Variants in ADGRL3 observed in about 807,000 individuals in gnomAD.
The protein encoded by ADGRL3 is adhesion G protein-coupled receptor L3.
ADGRL3 carries 62 observed loss-of-function variants against 153.5 expected under a neutral mutation model. The ratio of observed to expected loss-of-function variants is 0.40; its 90% confidence interval spans 0.33 to 0.50. The LOEUF is 0.50. ADGRL3 is among the 20% of genes least tolerant of loss of function. The pLI is 0.47. For missense variants in ADGRL3, 1,641 were observed against 1,859.4 expected (o/e 0.88, Z 2.16); for synonymous variants, 710 against 672.5 (o/e 1.06, Z -0.86).
intron 2 of ADGRL3, among the ~76,000 whole-genome samples, chr4:61,421,467 A>G (rs1184040788): frequency 6.6e-6 from 1 of 152,106 alleles, no homozygotes; most frequent in Non-Finnish European, 1.5e-5. Context: ...CAACAAGAAT[A>G]ATTTCTATCT....
Position 61,677,012 on chromosome 4 carries a change from C to G in ADGRL3, c.583+77C>G, listed in dbSNP as rs983432500. On this transcript the variant is annotated intron_variant, in intron 6 of 26. Coordinates refer to ENST00000683033, the MANE Select transcript of ADGRL3 (RefSeq NM_001387552.1). ...TTTTGCATGCATTGACAAATATTCT[C>G]TATGAAAACATAAATCACGTAAATT... The G allele has an allele frequency of 2.2e-5, 20 of 914,530 alleles. No homozygotes were observed. In the East Asian group the frequency reaches 2.9e-4, roughly 13 times the overall value. 56.7% of individuals were successfully genotyped at this position (914,530 alleles called of 1,614,324 possible).
chr4:61,858,581 A>T lies in ADGRL3; in HGVS notation c.1481-34075A>T, dbSNP rs371521376. 1.1e-4 allele frequency among the ~76,000 whole-genome samples: 16 copies of T among 152,370 alleles called. 1 individual carries two copies. The highest frequency in any genetic ancestry group is 3.8e-4 in the African/African-American group (16 of 41,584). The stretch of plus-strand genomic sequence containing the variant: ...GGTTTCAGTGAGCTGAGATTGTGCC[A>T]CTGCACTCCATCCTGGGACACAGAT... On this transcript the variant is annotated intron_variant, in intron 9 of 26. Coordinates refer to ENST00000683033, the MANE Select transcript of ADGRL3 (RefSeq NM_001387552.1).
intron 1 of ADGRL3, among the ~76,000 whole-genome samples, chr4:61,219,579 C>T (rs1744430229): frequency 6.6e-6 from 1 of 152,150 alleles, no homozygotes; most frequent in African/African-American, 2.4e-5. Flanking sequence ...GTACATTTTT[C>T]TTAGAACAGT....
intron 1 of ADGRL3, among the ~76,000 whole-genome samples, chr4:61,277,950 G>C (rs2149920862): frequency 6.6e-6 from 1 of 152,282 alleles, no homozygotes; most frequent in East Asian, 1.9e-4. Context: ...AATCCCATGA[G>C]GGAAGCCAGC....
At chr4:61,631,200 A>C (rs2093144991) in intron 5 of ADGRL3, among the ~76,000 whole-genome samples, 1 of 152,164 alleles carries the variant, frequency 6.6e-6, no homozygotes, top group South Asian at 2.1e-4. Flanking sequence ...ACATCTCCGT[A>C]ATCCTGACTT....
chr4:61,409,328 T>C (rs1033340849), intron 2 of ADGRL3, among the ~76,000 whole-genome samples: 1 of 129,010 alleles, frequency 7.8e-6, no homozygotes, highest in Non-Finnish European at 1.6e-5. Context: ...ATTAGACATA[T>C]ATATTAGACA....
intron 5 of ADGRL3, among the ~76,000 whole-genome samples, chr4:61,624,297 T>C (rs2092703154): frequency 6.6e-6 from 1 of 152,146 alleles, no homozygotes; most frequent in African/African-American, 2.4e-5. Context: ...AAACAGCTTT[T>C]ATAGGTTATT....
rs374065144 is a variant in ADGRL3 at position 61,600,818 on chromosome 4, C to T, written c.473+13378C>T. 1.8e-4 allele frequency among the ~76,000 whole-genome samples: 27 copies of T among 152,242 alleles called. 1 individual carries two copies. Among genetic ancestry groups the T allele is most frequent in the African/African-American group, 6.3e-4 (26 of 41,552 alleles). On this transcript the variant is annotated intron_variant, in intron 5 of 26. Coordinates refer to ENST00000683033, the MANE Select transcript of ADGRL3 (RefSeq NM_001387552.1). ...TTTCTTTATTATGCCTTTAGCAATA[C>T]ATTAGCTTCACGTTCTAAAAAAAAC...
chr4:61,373,154 G>A (rs2096560311), intron 1 of ADGRL3, among the ~76,000 whole-genome samples: 1 of 152,142 alleles, frequency 6.6e-6, no homozygotes, highest in South Asian at 2.1e-4. Flanking sequence ...GATGAACCCG[G>A]TACCTCAGAT....
At chr4:61,747,491 T>A (rs1467466825) in intron 8 of ADGRL3, among the ~76,000 whole-genome samples, 1 of 147,674 alleles carries the variant, frequency 6.8e-6, no homozygotes, top group Non-Finnish European at 1.5e-5. Context: ...CAGCGGCACA[T>A]CAAAAAGCTT....
chr4:61,688,289 A>G (rs2151084095), intron 6 of ADGRL3, among the ~76,000 whole-genome samples: 2 of 152,208 alleles, frequency 1.3e-5, no homozygotes, highest in Middle Eastern at 6.8e-3. Flanking sequence ...TTTAGGTCTG[A>G]CCACATTTTC....
chr4:61,201,358 GCT>G lies in ADGRL3; in HGVS notation c.-646_-645del, dbSNP rs1473405513. ...GCTGCCGCTGGGTCCCTCGGCTGCT[GCT>G]GGAGACAGAGCCTGACTCCGAAGTT... On this transcript the variant is annotated 5_prime_UTR_variant, in exon 1 of 27. An upstream open reading frame in the 5' UTR gains an earlier in-frame stop. Coordinates refer to ENST00000683033, the MANE Select transcript of ADGRL3 (RefSeq NM_001387552.1). The G allele has an allele frequency of 6.5e-6, 1 of 152,784 alleles. No homozygotes were observed. Among genetic ancestry groups the G allele is most frequent in the African/African-American group, 2.4e-5 (1 of 41,466 alleles). The allele number at this position is 152,784 out of a possible 1,614,324, so 9.5% of individuals were successfully genotyped here.
At chr4:61,675,742 G>A (rs1001178766) in intron 5 of ADGRL3, among the ~76,000 whole-genome samples, 7 of 151,616 alleles carry the variant, frequency 4.6e-5, no homozygotes, top group African/African-American at 1.7e-4. Flanking sequence ...CATGCGATGT[G>A]TAATAATCAC....
intron 1 of ADGRL3, among the ~76,000 whole-genome samples, chr4:61,216,510 C>G (rs1172435672): frequency 6.6e-6 from 1 of 151,364 alleles, no homozygotes; most frequent in African/African-American, 2.4e-5. Context: ...CTCAGTGTCC[C>G]CATTTTACTC....
At chr4:62,044,719 T>TA (rs1044259954) in intron 25 of ADGRL3, among the ~76,000 whole-genome samples, 170 bp downstream of exon 25, 1 of 152,162 alleles carries the variant, frequency 6.6e-6, no homozygotes, top group African/African-American at 2.4e-5. Flanking sequence ...TAAGCTACTT[T>TA]AAAAAAATCC....
At chr4:61,635,393 G>T (rs2150082098) in intron 5 of ADGRL3, among the ~76,000 whole-genome samples, 1 of 152,276 alleles carries the variant, frequency 6.6e-6, no homozygotes, top group South Asian at 2.1e-4. Context: ...GCAGTGCATT[G>T]ATGGTAGAGA....
At chr4:61,788,575 C>A (rs1290008047) in intron 8 of ADGRL3, among the ~76,000 whole-genome samples, 2 of 152,046 alleles carry the variant, frequency 1.3e-5, no homozygotes, top group Non-Finnish European at 2.9e-5. Flanking sequence ...CATAATCTAC[C>A]CCAATGAGAA....
At chr4:61,316,696 C>T (rs1341368726) in intron 1 of ADGRL3, among the ~76,000 whole-genome samples, 1 of 152,068 alleles carries the variant, frequency 6.6e-6, no homozygotes, top group Non-Finnish European at 1.5e-5. Flanking sequence ...ATAAGTTGCT[C>T]AGATTGTAGC....
chr4:61,381,743 A>T (rs1317567140), intron 1 of ADGRL3, among the ~76,000 whole-genome samples: 13 of 152,002 alleles, frequency 8.6e-5, no homozygotes, highest in Non-Finnish European at 1.8e-4. Context: ...TTCTTCAAAA[A>T]CCAGGGAAAA....
Sources: allele counts gnomAD v4.1 joint callset (sites outside exome capture counted in the v4.1 genomes callset), GRCh38; gene constraint gnomAD v4.1.1; transcripts MANE v1.5; gene names NCBI Gene and HGNC (gene_info 2026-07-23, HGNC 2026-07-21).